Variants in DGKD observed in about 807,000 individuals in gnomAD.
DGKD encodes DAG kinase delta.
DGKD carries 68 observed loss-of-function variants against 154.4 expected under a neutral mutation model. The ratio of observed to expected loss-of-function variants is 0.44; its 90% confidence interval spans 0.36 to 0.54. The LOEUF is 0.54. Among genes scored for constraint, DGKD ranks in the 20% least tolerant of loss-of-function variants. The pLI is 0.00. For synonymous variants in DGKD, 693 were observed against 638.0 expected (o/e 1.09, Z -1.30); for missense variants, 1,343 against 1,593.6 (o/e 0.84, Z 2.68).
intron 1 of DGKD, among the ~76,000 whole-genome samples, chr2:233,356,502 T>C (rs1447422875): frequency 6.6e-6 from 1 of 152,150 alleles, no homozygotes; most frequent in East Asian, 1.9e-4. Context: ...GGGTAGATCA[T>C]GTGATTTACA....
chr2:233,436,326 C>A lies in DGKD; in HGVS notation c.704C>A (p.Pro235His). 1 of 1,614,184 alleles carries A rather than the reference C, an allele frequency of 6.2e-7. No homozygotes were observed. The change falls in exon 7 of 30, where the codon CCC (proline) becomes CAC (histidine). Residue 235 changes from proline to histidine, a missense_variant. By Grantham distance (77) the Pro-to-His change is moderately conservative. Around this residue, in one of 6 missense-constraint regions of DGKD, gnomAD observed 332 missense variants for 400.1 expected, o/e 0.83. Transcript: ENST00000264057. Reference protein sequence around the residue: ...IIEDADGIAMPHQWLEGNLPV... With the variant: ...IIEDADGIAMHHQWLEGNLPV... Reference sequence around the variant, plus strand: ...TCTGTTTGGTTGCAGATTGCAATGCCCCACCAGTGGTTGGAAGGAAACCTA... The same window carrying A: ...TCTGTTTGGTTGCAGATTGCAATGCACCACCAGTGGTTGGAAGGAAACCTA...
intron 1 of DGKD, among the ~76,000 whole-genome samples, chr2:233,377,273 G>A (rs1702628820): frequency 6.6e-6 from 1 of 151,946 alleles, no homozygotes; most frequent in Non-Finnish European, 1.5e-5. Context: ...TAGTAGAGAC[G>A]GAGTTTCACC....
intron 3 of DGKD, among the ~76,000 whole-genome samples, chr2:233,431,347 T>C (rs2062503074): frequency 6.6e-6 from 1 of 152,234 alleles, no homozygotes; most frequent in Non-Finnish European, 1.5e-5. Context: ...AATGGAAAGA[T>C]ACTCCACGTT....
intron 1 of DGKD, among the ~76,000 whole-genome samples, chr2:233,359,494 ATT>A (rs34252378): frequency 6.9e-6 from 1 of 145,020 alleles, no homozygotes; most frequent in Admixed American, 6.9e-5. Context: ...TGTCTTTCTG[ATT>A]TTTTTTTTTT....
rs1406793586 is a variant in DGKD, at chr2:233,454,628, TAATA to T, written c.2265-131_2265-128del. The T allele has an allele frequency of 1.8e-5, 11 of 614,278 alleles. No homozygotes were observed. In the African/African-American group the frequency reaches 2.0e-4, roughly 11 times the overall value. 38.1% of individuals were successfully genotyped at this position (614,278 alleles called of 1,614,324 possible). On this transcript the variant is annotated intron_variant, in intron 18 of 29. Coordinates refer to ENST00000264057, the MANE Select transcript of DGKD (RefSeq NM_152879.3). ...TTGGTAAATTATCTAGTGTATATCTTAATAAATCTCTTAGCAGACAAAAAAGAAA... is the reference window on the plus strand; with the variant it reads ...TTGGTAAATTATCTAGTGTATATCTTAATCTCTTAGCAGACAAAAAAGAAA...
At position 233,457,925 on chromosome 2, in the gene DGKD, G is replaced by C; in HGVS notation, c.2581-359G>C. The C allele has an allele frequency of 3.0e-6, 1 of 331,962 alleles. No individual in the cohort carries two copies. The highest frequency in any genetic ancestry group is 4.2e-5 in the Admixed American group (1 of 24,046). 20.6% of individuals were successfully genotyped at this position (331,962 alleles called of 1,614,324 possible). A position where few individuals can be genotyped will look rare whatever the true frequency, so the allele number is the denominator to read the frequency against. Reference sequence around the variant, plus strand: ...CTTCCTTTGTACGTAATAGCGAATAGAAGTATTCAGCGCTTCCTGCACACG... The same window carrying C: ...CTTCCTTTGTACGTAATAGCGAATACAAGTATTCAGCGCTTCCTGCACACG... On this transcript the variant is annotated intron_variant, in intron 21 of 29. Transcript: ENST00000264057. This position sits in a 1 kb window ranked among gnomAD's most constrained non-coding sequence, Gnocchi z 5.5.
At chr2:233,447,811 A>G (rs913242037) in intron 12 of DGKD, 1 of 1,245,656 alleles carries the variant, frequency 8.0e-7, no homozygotes, top group African/African-American at 1.5e-5. Flanking sequence ...GGAAGCTCCT[A>G]GCACAGGCCG....
chr2:233,391,233 A>G (rs1435749506), intron 3 of DGKD, among the ~76,000 whole-genome samples: 3 of 152,178 alleles, frequency 2.0e-5, no homozygotes, highest in African/African-American at 7.2e-5. Flanking sequence ...CAAATTTATA[A>G]AAGTTATGTA....
intron 1 of DGKD, among the ~76,000 whole-genome samples, chr2:233,375,343 T>A (rs1333569112): frequency 6.6e-6 from 1 of 151,718 alleles, no homozygotes; most frequent in Admixed American, 6.6e-5. Context: ...AAGGATGTTA[T>A]CTCGGCATGT....
At position 233,458,533 on chromosome 2, in the gene DGKD, C is replaced by CTG; in HGVS notation, c.2694+137_2694+138insGT. On this transcript the variant is annotated intron_variant, in intron 22 of 29. Coordinates refer to ENST00000264057, the MANE Select transcript of DGKD (RefSeq NM_152879.3). This position sits in a 1 kb window ranked among gnomAD's most constrained non-coding sequence, Gnocchi z 6.6. ...CTGCCTCATGTCCTGTCCTGGACAG[C>CTG]TCGTGGCCCCACTTCCTGGGCCAGA... The CTG allele has an allele frequency of 1.9e-6, 1 of 538,644 alleles. No homozygotes were observed. Among genetic ancestry groups the CTG allele is most frequent in the Non-Finnish European group, 3.3e-6 (1 of 305,890 alleles). 33.4% of individuals were successfully genotyped at this position (538,644 alleles called of 1,614,324 possible).
intron 10 of DGKD, chr2:233,442,247 T>G: frequency 3.2e-6 from 2 of 616,164 alleles, no homozygotes; most frequent in Non-Finnish European, 3.1e-6. Context: ...ACGAAAAGAA[T>G]TGCCCACAAA....
chr2:233,458,243 G>T lies in DGKD; in HGVS notation c.2581-41G>T. The T allele has an allele frequency of 7.2e-7, 1 of 1,391,730 alleles. No individual in the cohort carries two copies. The highest frequency in any genetic ancestry group is 1.0e-6 in the Non-Finnish European group (1 of 983,462). The allele number at this position is 1,391,730 out of a possible 1,614,324, so 86.2% of individuals were successfully genotyped here. The stretch of plus-strand genomic sequence containing the variant: ...AGGGTAGGGGCGGCCTGTGCTCGGG[G>T]ATGTGTGGAGTGGTGGTCAGCTCTA... On this transcript the variant is annotated intron_variant, in intron 21 of 29. Coordinates refer to ENST00000264057, the MANE Select transcript of DGKD (RefSeq NM_152879.3). The surrounding 1 kb of genome is among the most constrained non-coding windows in gnomAD (Gnocchi z 6.6).
At chr2:233,389,552 G>A (rs1451644454) in intron 2 of DGKD, among the ~76,000 whole-genome samples, 1 of 149,274 alleles carries the variant, frequency 6.7e-6, no homozygotes, top group Non-Finnish European at 1.5e-5. Flanking sequence ...TTTAGAAAGG[G>A]TTCTGACCAC....
At chr2:233,424,680 C>T (rs2062232330) in intron 3 of DGKD, among the ~76,000 whole-genome samples, 1 of 152,172 alleles carries the variant, frequency 6.6e-6, no homozygotes, top group South Asian at 2.1e-4. Flanking sequence ...CCTGGAGCCC[C>T]CCTGCCTGGT....
At chr2:233,370,792 C>T (rs767650557) in intron 1 of DGKD, among the ~76,000 whole-genome samples, 50 of 151,798 alleles carry the variant, frequency 3.3e-4, no homozygotes, top group Non-Finnish European at 6.2e-4. Flanking sequence ...GTCTCTGTCA[C>T]CCAGGCTGGA....
At chr2:233,462,958 C>T (rs2063697753) in intron 26 of DGKD, among the ~76,000 whole-genome samples, 1 of 152,246 alleles carries the variant, frequency 6.6e-6, no homozygotes, top group Non-Finnish European at 1.5e-5. Context: ...GCAGCGGAAA[C>T]ACCCTTGTCG....
intron 3 of DGKD, among the ~76,000 whole-genome samples, chr2:233,405,743 A>C (rs975546700): frequency 1.3e-5 from 2 of 152,218 alleles, no homozygotes; most frequent in African/African-American, 4.8e-5. Flanking sequence ...ACTTCTGTTC[A>C]TTTAAAATTA....
chr2:233,417,820 GT>G (rs1240051031), intron 3 of DGKD, among the ~76,000 whole-genome samples: 12 of 152,184 alleles, frequency 7.9e-5, no homozygotes, highest in African/African-American at 2.9e-4. Context: ...CTCCACACTG[GT>G]TTGTCACAGT....
In DGKD at chr2:233,354,568, C is replaced by A. The variant is rs764383017; in HGVS notation, c.50C>A (p.Pro17Gln). Residue 17 changes from proline (P) to glutamine (Q), a missense_variant, in exon 1 of 30, where the codon CCG (proline) becomes CAG (glutamine). Physicochemically the swap from Pro to Gln is moderately conservative, Grantham distance 76 (BLOSUM62 -1). Coordinates refer to ENST00000264057, the MANE Select transcript of DGKD (RefSeq NM_152879.3). This position sits in a 1 kb window ranked among gnomAD's most constrained non-coding sequence, Gnocchi z 4.8. ...APPPGPPQPP[P>Q]PPPPEESSDS... Reference sequence around the variant, plus strand: ...CCGCCGGGTCCCCCGCAACCGCCTCCGCCGCCGCCGCCCGAGGAGTCGTCC... The same window carrying A: ...CCGCCGGGTCCCCCGCAACCGCCTCAGCCGCCGCCGCCCGAGGAGTCGTCC... 3.8e-6 allele frequency: 4 copies of A among 1,062,512 alleles called. No homozygotes were observed. The highest frequency in any genetic ancestry group is 4.6e-6 in the Non-Finnish European group (4 of 870,980). 65.8% of individuals were successfully genotyped at this position (1,062,512 alleles called of 1,614,324 possible).
Sources: gnomAD v4.1 joint callset for allele counts (sites outside exome capture counted in the v4.1 genomes callset) on GRCh38, gnomAD v4.1.1 for gene constraint, gnomAD v4.1.1 regional missense constraint, Gnocchi (gnomAD v3.1) non-coding constraint, MANE v1.5 for transcripts, NCBI Gene and HGNC (gene_info 2026-07-23, HGNC 2026-07-21) for gene names.